The following DMXL2 variants were observed in gnomAD, a reference collection of about 807,000 sequenced individuals.
The protein encoded by DMXL2 is dmX-like protein 2.
Under a neutral mutation model 331.1 loss-of-function variants are expected in DMXL2, and 103 were observed. The observed-to-expected ratio is 0.31, with a 90% confidence interval of 0.27 to 0.37. The LOEUF (loss-of-function observed/expected upper bound fraction) is 0.37. DMXL2 is among the 10% of genes least tolerant of loss of function. The probability of loss-of-function intolerance (pLI) is 1.00; values close to 1 mark genes in which losing one functional copy is unlikely to be tolerated. For synonymous variants in DMXL2, 1,281 were observed against 1,252.1 expected (o/e 1.02, Z -0.49); for missense variants, 3,171 against 3,642.9 (o/e 0.87, Z 3.33).
At chr15:51,457,199 G>C in intron 37 of DMXL2, 129 bp downstream of exon 37, 1 of 961,936 alleles carries the variant, frequency 1.0e-6, no homozygotes, top group South Asian at 1.8e-5. Flanking sequence ...ATAAATGTCA[G>C]CTGTCATTAT....
In DMXL2 at chr15:51,459,639, G is replaced by C; in HGVS notation, c.7948C>G (p.Gln2650Glu). Residue 2650 changes from glutamine (Q) to glutamate (E), a missense_variant, in exon 34 of 44, where the codon CAG becomes GAG. This residue lies in a region of DMXL2 where 766 missense variants were observed against 940.5 expected (regional missense o/e 0.81). Coordinates refer to ENST00000560891, the MANE Select transcript of DMXL2 (RefSeq NM_001378457.1). ...TCTGCTATGCAGTTTTGGTTGACCT[G>C]CTCCACATGTTCTTCTATAGACTAA... ...QSESIEEHVEQVNQNCIAEDC... is the reference protein window; with the variant it reads ...QSESIEEHVEEVNQNCIAEDC... The C allele has an allele frequency of 7.8e-7, 1 of 1,289,734 alleles. No homozygotes were observed. The highest frequency in any genetic ancestry group is 1.2e-5 in the South Asian group (1 of 81,026). 79.9% of individuals were successfully genotyped at this position (1,289,734 alleles called of 1,614,324 possible). A position where few individuals can be genotyped will look rare whatever the true frequency, so the allele number is the denominator to read the frequency against.
chr15:51,552,354 C>T (rs1436291103), intron 6 of DMXL2, among the ~76,000 whole-genome samples: 2 of 152,192 alleles, frequency 1.3e-5, no homozygotes, highest in Non-Finnish European at 2.9e-5. Context: ...CTGTAAAGGT[C>T]TGCAGCCCCG....
intron 29 of DMXL2, among the ~76,000 whole-genome samples, chr15:51,470,333 G>T (rs2040985559): frequency 6.6e-6 from 1 of 152,064 alleles, no homozygotes; most frequent in South Asian, 2.1e-4. Context: ...CATGGTCTAT[G>T]TTGTCCAGGC....
At chr15:51,471,732 G>A (rs1254058544) in intron 28 of DMXL2, among the ~76,000 whole-genome samples, 1 of 152,198 alleles carries the variant, frequency 6.6e-6, no homozygotes, top group Non-Finnish European at 1.5e-5. Context: ...TGAGGTTCAA[G>A]AAAGATTCAC....
intron 19 of DMXL2, among the ~76,000 whole-genome samples, chr15:51,493,795 A>G (rs777554478): frequency 6.6e-5 from 10 of 152,240 alleles, no homozygotes; most frequent in Non-Finnish European, 1.5e-4. Context: ...AACTTAAGAG[A>G]ACGTGGAGAT....
At chr15:51,532,389 G>A (rs1437621537) in intron 13 of DMXL2, among the ~76,000 whole-genome samples, 3 of 152,106 alleles carry the variant, frequency 2.0e-5, no homozygotes, top group Admixed American at 1.3e-4. Context: ...AGGAGGGGTC[G>A]TAAGGGATTG....
intron 1 of DMXL2, among the ~76,000 whole-genome samples, chr15:51,614,649 T>A (rs956145209): frequency 4.6e-5 from 7 of 152,214 alleles, no homozygotes. Context: ...AAGATCACTG[T>A]TTTTACTATG....
chr15:51,590,870 G>A (rs1219004376), intron 1 of DMXL2, among the ~76,000 whole-genome samples: 1 of 152,018 alleles, frequency 6.6e-6, no homozygotes. Context: ...GAGAGAGAGA[G>A]AAGTGGACAG....
chr15:51,450,003 A>T, intron 43 of DMXL2, 126 bp downstream of exon 43: 1 of 802,692 alleles, frequency 1.2e-6, no homozygotes, highest in Non-Finnish European at 2.0e-6. Context: ...GTGTTGAGAT[A>T]TGCAGTATCT....
intron 23 of DMXL2, among the ~76,000 whole-genome samples, chr15:51,485,029 C>T (rs1285600065): frequency 1.0e-4 from 3 of 29,624 alleles, no homozygotes; most frequent in Non-Finnish European, 2.2e-4. Context: ...ATAACTCAGG[C>T]AAACCAAAAA....
At chr15:51,551,111 C>CAAA (rs576660847) in intron 6 of DMXL2, among the ~76,000 whole-genome samples, 1 of 132,946 alleles carries the variant, frequency 7.5e-6, no homozygotes, top group Non-Finnish European at 1.6e-5. Context: ...CAGATTGTAC[C>CAAA]AAAAAAAAAA....
chr15:51,481,253 T>C lies in DMXL2; in HGVS notation c.5853A>G (p.Glu1951=), dbSNP rs751074140. 1.9e-6 allele frequency: 3 copies of C among 1,613,778 alleles called. No individual in the cohort carries two copies. The highest frequency in any genetic ancestry group is 2.2e-5 in the East Asian group (1 of 44,890). ...ACTGTGATGAAGTTACATTTGACCA[T>C]TCAATGCCAGAACTTCCATTGCCAT... The part of the protein sequence containing the change: ...LSDGNGSSGI[E]WSNVTSSQYD... Residue 1951 remains glutamate, a synonymous_variant, in exon 24 of 44, where the codon GAA becomes GAG. Transcript: ENST00000560891.
chr15:51,482,982 G>A (rs559079868), intron 23 of DMXL2, among the ~76,000 whole-genome samples: 2 of 152,128 alleles, frequency 1.3e-5, no homozygotes, highest in Non-Finnish European at 2.9e-5. Flanking sequence ...GGAGGTACCC[G>A]GCCTCTGCAG....
intron 23 of DMXL2, among the ~76,000 whole-genome samples, 155 bp from the exon 24 acceptor site, chr15:51,481,778 T>C (rs926373816): frequency 2.6e-5 from 4 of 152,224 alleles, no homozygotes; most frequent in Non-Finnish European, 5.9e-5. Flanking sequence ...ATTACAACTG[T>C]ACAGCTGAAA....
chr15:51,600,727 C>T (rs188889209), intron 1 of DMXL2, among the ~76,000 whole-genome samples: 5 of 152,258 alleles, frequency 3.3e-5, no homozygotes, highest in Admixed American at 2.0e-4. Context: ...AAACTGGACA[C>T]GGATAGGACA....
intron 1 of DMXL2, among the ~76,000 whole-genome samples, chr15:51,581,400 G>C (rs771452295): frequency 1.3e-5 from 2 of 152,146 alleles, no homozygotes; most frequent in Non-Finnish European, 2.9e-5. Context: ...GCTCTAGAGG[G>C]TTTAATGTCC....
rs781703939 is a variant in DMXL2 at position 51,457,471 on chromosome 15, G to A, written c.8199-5C>T. On this transcript the variant is annotated splice_polypyrimidine_tract_variant and splice_region_variant and intron_variant, in intron 36 of 43. Transcript: ENST00000560891. ...CGATAATCAACATCATCTGAACTGT[G>A]AAAAACATTCATGTGTTACTGTGAA... The A allele has an allele frequency of 1.2e-6, 2 of 1,613,224 alleles. No individual in the cohort carries two copies. The highest frequency in any genetic ancestry group is 1.7e-5 in the Admixed American group (1 of 59,812).
chr15:51,451,764 C>G (rs2039163463), intron 41 of DMXL2, 67 bp from the exon 42 acceptor site: 4 of 1,377,010 alleles, frequency 2.9e-6, no homozygotes, highest in Non-Finnish European at 1.0e-6. Flanking sequence ...TCAGGGACAA[C>G]CTGTCTTTCA....
At chr15:51,462,422 G>C (rs1173304639) in intron 33 of DMXL2, among the ~76,000 whole-genome samples, 1 of 152,100 alleles carries the variant, frequency 6.6e-6, no homozygotes, top group African/African-American at 2.4e-5. Context: ...TGCAACCTCT[G>C]CCTCTCGGGT....
Sources: allele counts gnomAD v4.1 joint callset (sites outside exome capture counted in the v4.1 genomes callset), GRCh38; gene constraint gnomAD v4.1.1; regional missense constraint gnomAD v4.1.1; transcripts MANE v1.5; gene names NCBI Gene and HGNC (gene_info 2026-07-23, HGNC 2026-07-21).